The following MDN1 variants were observed in gnomAD, a reference collection of about 807,000 sequenced individuals.
The protein encoded by MDN1 is midasin.
A neutral mutation model predicts 669.2 loss-of-function variants in MDN1; 266 were observed. The observed-to-expected ratio is 0.40, with a 90% confidence interval of 0.36 to 0.44. MDN1 has a LOEUF of 0.44. Among genes scored for constraint, MDN1 ranks in the 20% least tolerant of loss-of-function variants. The probability of loss-of-function intolerance (pLI) is 1.00; values close to 1 mark genes in which losing one functional copy is unlikely to be tolerated. For missense variants in MDN1, 5,940 were observed against 6,754.0 expected (o/e 0.88, Z 4.22); for synonymous variants, 2,385 against 2,457.1 (o/e 0.97, Z 0.87).
Position 89,718,365 on chromosome 6 carries a change from C to T in MDN1, c.6583+1G>A. 2.5e-6 allele frequency: 4 copies of T among 1,612,962 alleles called. No homozygotes were observed. Among genetic ancestry groups the T allele is most frequent in the Non-Finnish European group, 3.4e-6 (4 of 1,179,720 alleles). On this transcript the variant is annotated splice_donor_variant, in intron 43 of 101. Coordinates refer to ENST00000369393, the MANE Select transcript of MDN1 (RefSeq NM_014611.3). LOFTEE classifies it high-confidence loss of function. ...TGATACAGAGATCCAAATATACATA[C>T]CTGCCTTGCAGTATGAGTTGATTTT...
At chr6:89,727,526 C>G (rs1336630723) in intron 37 of MDN1, among the ~76,000 whole-genome samples, 1 of 152,098 alleles carries the variant, frequency 6.6e-6, no homozygotes, top group Non-Finnish European at 1.5e-5. Context: ...TTATAAAATG[C>G]CTCTAAAATA....
At chr6:89,771,081 C>T (rs1818056607) in intron 15 of MDN1, among the ~76,000 whole-genome samples, 1 of 152,150 alleles carries the variant, frequency 6.6e-6, no homozygotes, top group South Asian at 2.1e-4. Flanking sequence ...AAGCACCATA[C>T]ACACTGATGG....
chr6:89,768,476 T>C (rs1348757342), intron 15 of MDN1, among the ~76,000 whole-genome samples: 1 of 152,240 alleles, frequency 6.6e-6, no homozygotes, highest in African/African-American at 2.4e-5. Context: ...CAATTAAACC[T>C]CTTTTCTTTG....
intron 48 of MDN1, 90 bp downstream of exon 48, chr6:89,712,485 C>T (rs1236309025): frequency 7.8e-7 from 1 of 1,290,026 alleles, no homozygotes; most frequent in Non-Finnish European, 1.1e-6. Context: ...CCACAGAATG[C>T]TCCAGTTAAA....
chr6:89,677,103 T>G (rs891207964), intron 76 of MDN1, among the ~76,000 whole-genome samples: 1 of 150,784 alleles, frequency 6.6e-6, no homozygotes, highest in African/African-American at 2.4e-5. Flanking sequence ...GTTTTTTTTC[T>G]TTTTTTTTGA....
chr6:89,772,745 T>A, intron 13 of MDN1, 24 bp from the exon 14 acceptor site: 1 of 1,608,490 alleles, frequency 6.2e-7, no homozygotes, highest in Non-Finnish European at 8.5e-7. Flanking sequence ...AAAAAGAGTT[T>A]AAAAACCACG....
intron 13 of MDN1, among the ~76,000 whole-genome samples, chr6:89,773,479 G>A (rs2128323100): frequency 6.7e-6 from 1 of 149,056 alleles, no homozygotes; most frequent in East Asian, 2.0e-4. Context: ...GGTGGAGGTT[G>A]CAGTGAGCTG....
intron 74 of MDN1, among the ~76,000 whole-genome samples, chr6:89,679,978 A>C (rs1811485047): frequency 6.6e-6 from 1 of 152,190 alleles, no homozygotes; most frequent in African/African-American, 2.4e-5. Context: ...CCCTGAGATT[A>C]GATGCAACCT....
intron 14 of MDN1, among the ~76,000 whole-genome samples, chr6:89,772,086 A>G (rs1262830649): frequency 6.6e-6 from 1 of 152,164 alleles, no homozygotes; most frequent in African/African-American, 2.4e-5. Context: ...CAACATAGCT[A>G]GACCTCGTCT....
At chr6:89,701,882 T>A in intron 54 of MDN1, 22 bp downstream of exon 54, 2 of 1,600,722 alleles carry the variant, frequency 1.2e-6, no homozygotes, top group Non-Finnish European at 1.7e-6. Flanking sequence ...ATTGACATTA[T>A]TACTCTAAAT....
At chr6:89,810,076 CTGAA>C (rs369830455) in intron 1 of MDN1, among the ~76,000 whole-genome samples, 27 of 145,756 alleles carry the variant, frequency 1.9e-4, no homozygotes, top group African/African-American at 6.6e-4. Context: ...CAGTCCCTGA[CTGAA>C]TGTTTTTCTT....
chr6:89,727,841 A>G lies in MDN1; in HGVS notation c.5464T>C (p.Leu1822=). 6.2e-7 allele frequency: 1 copy of G among 1,613,822 alleles called. No individual in the cohort carries two copies. Among genetic ancestry groups the G allele is most frequent in the Non-Finnish European group, 8.5e-7 (1 of 1,179,888 alleles). ...AALKAGHWVV[L]DELNLASQSV... ...ACAAACAGGCCCCTCACCTCATCCA[A>G]CACCACCCAATGGCCTGCCTTCAAA... Residue 1822 remains leucine, a synonymous_variant, in exon 37 of 102, where the codon TTG becomes CTG. Coordinates refer to ENST00000369393, the MANE Select transcript of MDN1 (RefSeq NM_014611.3).
intron 15 of MDN1, among the ~76,000 whole-genome samples, chr6:89,768,740 C>A (rs148433694): frequency 7.1e-4 from 107 of 151,590 alleles, no homozygotes; most frequent in African/African-American, 2.3e-3. Flanking sequence ...CTGTCCCCCC[C>A]CAAAAAAAGA....
chr6:89,684,541 C>G (rs1046499710), intron 71 of MDN1, among the ~76,000 whole-genome samples: 29 of 152,100 alleles, frequency 1.9e-4, no homozygotes, highest in African/African-American at 7.0e-4. Context: ...CCTCCTTCCC[C>G]CATGGTAATT....
At chr6:89,718,343 T>C (rs1262300922) in intron 43 of MDN1, 23 bp downstream of exon 43, 3 of 1,606,784 alleles carry the variant, frequency 1.9e-6, no homozygotes, top group East Asian at 2.2e-5. Flanking sequence ...AAGTTCCTGA[T>C]ACAGAGATCC....
At position 89,787,766 on chromosome 6, in the gene MDN1, A is replaced by G. The variant is rs1819043815; in HGVS notation, c.1334+88T>C. ...CTAACCTTGCTTGAAGTAGACCCAGAGAACTCTATTACAGGACCTCTGGCT... is the reference window on the plus strand; with the variant it reads ...CTAACCTTGCTTGAAGTAGACCCAGGGAACTCTATTACAGGACCTCTGGCT... On this transcript the variant is annotated intron_variant, in intron 8 of 101. Coordinates refer to ENST00000369393, the MANE Select transcript of MDN1 (RefSeq NM_014611.3). 19 of 913,512 alleles carry G rather than the reference A, an allele frequency of 2.1e-5. No homozygotes were observed. The South Asian group carries it at 2.9e-4, about 14-fold the overall frequency. 56.6% of individuals were successfully genotyped at this position (913,512 alleles called of 1,614,324 possible).
chr6:89,802,487 A>G (rs1167823986), intron 2 of MDN1, among the ~76,000 whole-genome samples: 1 of 152,244 alleles, frequency 6.6e-6, no homozygotes, highest in Non-Finnish European at 1.5e-5. Context: ...GATTGAGACC[A>G]TCCTGGCCAA....
chr6:89,778,830 G>A (rs539416983), intron 11 of MDN1, among the ~76,000 whole-genome samples: 1 of 151,418 alleles, frequency 6.6e-6, no homozygotes, highest in East Asian at 1.9e-4. Flanking sequence ...AGCTTGCAGT[G>A]AGCCGAGATC....
intron 38 of MDN1, among the ~76,000 whole-genome samples, chr6:89,724,568 C>A (rs1815079523): frequency 6.6e-6 from 1 of 152,336 alleles, no homozygotes; most frequent in East Asian, 1.9e-4. Context: ...CAGGCATGAT[C>A]CACCATGCCC....
Sources: allele counts gnomAD v4.1 joint callset (sites outside exome capture counted in the v4.1 genomes callset), GRCh38; gene constraint gnomAD v4.1.1; transcripts MANE v1.5; gene names NCBI Gene and HGNC (gene_info 2026-07-23, HGNC 2026-07-21).